OR5AN1: variants seen among roughly 807,000 people sequenced by gnomAD.
OR5AN1 encodes the protein olfactory receptor 5AN1.
For synonymous variants in OR5AN1, 167 were observed against 131.8 expected (o/e 1.27, Z -1.83); for missense variants, 476 against 368.9 (o/e 1.29, Z -2.38).
In OR5AN1 at chr11:59,369,450, G is replaced by A. The variant is rs1857568373; in HGVS notation, c.*4056G>A. On this transcript the variant is annotated 3_prime_UTR_variant, in exon 2 of 2. Coordinates refer to ENST00000641998, the MANE Select transcript of OR5AN1 (RefSeq NM_001004729.2). Reference sequence around the variant, plus strand: ...TTAGTGGGTCTGACAGAGCTGAATAGCGCAATACAAGAATTCCACAATGCA... The same window carrying A: ...TTAGTGGGTCTGACAGAGCTGAATAACGCAATACAAGAATTCCACAATGCA... The A allele has an allele frequency of 6.6e-6, 1 of 152,148 alleles. No homozygotes were observed. Among genetic ancestry groups the A allele is most frequent in the Admixed American group, 6.5e-5 (1 of 15,278 alleles). The allele number at this position is 152,148 out of a possible 1,614,324, so 9.4% of individuals were successfully genotyped here. A position where few individuals can be genotyped will look rare whatever the true frequency, so the allele number is the denominator to read the frequency against.
intron 1 of OR5AN1, chr11:59,359,600 A>T (rs1292848606): frequency 1.3e-5 from 2 of 152,082 alleles, no homozygotes; most frequent in Non-Finnish European, 2.9e-5. Context: ...TTGATTTATG[A>T]TCTCTGAATA....
chr11:59,365,059 G>A lies in OR5AN1; in HGVS notation c.601G>A (p.Ala201Thr). ...CACTTTCTTTGTACAGGTCATGACT[G>A]CTATATTAACCATGTTCTTTGGGAT... ...TDTFFVQVMT[A>T]ILTMFFGIAS... The change falls in exon 2 of 2, where the codon GCT becomes ACT. Residue 201 changes from alanine (A) to threonine (T), a missense_variant. Coordinates refer to ENST00000641998, the MANE Select transcript of OR5AN1 (RefSeq NM_001004729.2). The A allele has an allele frequency of 2.5e-6, 4 of 1,614,072 alleles. No homozygotes were observed. In the South Asian group the frequency reaches 4.4e-5, roughly 18 times the overall value.
chr11:59,361,309 T>A (rs1408640290), intron 1 of OR5AN1, among the ~76,000 whole-genome samples: 1 of 152,110 alleles, frequency 6.6e-6, no homozygotes, highest in Non-Finnish European at 1.5e-5. Context: ...TTTTGAGGAG[T>A]CTCGCTCTGT....
chr11:59,363,943 A>G (rs1280216983), intron 1 of OR5AN1, among the ~76,000 whole-genome samples: 1 of 152,052 alleles, frequency 6.6e-6, no homozygotes, highest in Admixed American at 6.6e-5. Flanking sequence ...TTGTATTTTT[A>G]GTAGAGATGG....
intron 1 of OR5AN1, among the ~76,000 whole-genome samples, chr11:59,362,230 T>C (rs1490732254): frequency 1.3e-5 from 2 of 152,204 alleles, no homozygotes; most frequent in Non-Finnish European, 2.9e-5. Flanking sequence ...CCCCCATTCA[T>C]CAACTGTCTT....
Position 59,370,212 on chromosome 11 carries a change from A to G in OR5AN1, c.*4818A>G, listed in dbSNP as rs1250557779. ...GAAGCAACCACACAAACAAGTAAAC[A>G]TAATAACCAGCTGACAGCACAATGA... On this transcript the variant is annotated 3_prime_UTR_variant, in exon 2 of 2. Transcript: ENST00000641998. The G allele has an allele frequency of 6.6e-6, 1 of 152,252 alleles. No homozygotes were observed. The highest frequency in any genetic ancestry group is 2.4e-5 in the African/African-American group (1 of 41,466). 9.4% of individuals were successfully genotyped at this position (152,252 alleles called of 1,614,324 possible).
intron 1 of OR5AN1, among the ~76,000 whole-genome samples, chr11:59,361,504 C>T (rs1450107010): frequency 6.6e-6 from 1 of 152,214 alleles, no homozygotes; most frequent in Admixed American, 6.5e-5. Context: ...TGGTCTCAAA[C>T]TCCTGACCTC....
chr11:59,368,570 A>C lies in OR5AN1; in HGVS notation c.*3176A>C, dbSNP rs914296403. ...GGTCTGTCTCCCACGGGTCCCACAC[A>C]CCCCCCACCACTCATCACCAGACAA... On this transcript the variant is annotated 3_prime_UTR_variant, in exon 2 of 2. Coordinates refer to ENST00000641998, the MANE Select transcript of OR5AN1 (RefSeq NM_001004729.2). 6.6e-6 allele frequency: 1 copy of C among 152,100 alleles called. No homozygotes were observed. The highest frequency in any genetic ancestry group is 1.5e-5 in the Non-Finnish European group (1 of 68,166). 9.4% of individuals were successfully genotyped at this position (152,100 alleles called of 1,614,324 possible). A position where few individuals can be genotyped will look rare whatever the true frequency, so the allele number is the denominator to read the frequency against.
Position 59,368,676 on chromosome 11 carries a change from T to A in OR5AN1, c.*3282T>A, listed in dbSNP as rs186702755. On this transcript the variant is annotated 3_prime_UTR_variant, in exon 2 of 2. Transcript: ENST00000641998. ...GAGCGATTGCTGACCTGCATCTCTC[T>A]GGGGTGGAGCCCCCAGGAGTCAAAC... 6.6e-6 allele frequency: 1 copy of A among 152,346 alleles called. No individual in the cohort carries two copies. The highest frequency in any genetic ancestry group is 1.9e-4 in the East Asian group (1 of 5,196). The allele number at this position is 152,346 out of a possible 1,614,324, so 9.4% of individuals were successfully genotyped here.
Position 59,364,676 on chromosome 11 carries a change from G to A in OR5AN1, c.218G>A (p.Cys73Tyr). 1 of 1,613,810 alleles carries A rather than the reference G, an allele frequency of 6.2e-7. No homozygotes were observed. Among genetic ancestry groups the A allele is most frequent in the Non-Finnish European group, 8.5e-7 (1 of 1,179,854 alleles). ...AGTAACCTGTCCTTCATAGATGTCTGCTATATCAGCTCCACAGTCCCCAAG... is the reference window on the plus strand; with the variant it reads ...AGTAACCTGTCCTTCATAGATGTCTACTATATCAGCTCCACAGTCCCCAAG... ...FLSNLSFIDV[C>Y]YISSTVPKML... The change falls in exon 2 of 2, where the codon TGC becomes TAC. Residue 73 changes from cysteine (C) to tyrosine (Y), a missense_variant. By Grantham distance (194) the Cys-to-Tyr change is radical. Transcript: ENST00000641998.
chr11:59,367,716 C>T lies in OR5AN1; in HGVS notation c.*2322C>T, dbSNP rs543024103. On this transcript the variant is annotated 3_prime_UTR_variant, in exon 2 of 2. Transcript: ENST00000641998. Reference sequence around the variant, plus strand: ...GAAGAGAACCCCCAGCCTAGCACAACACAGCTGCTCTACCCAAACATAGCC... The same window carrying T: ...GAAGAGAACCCCCAGCCTAGCACAATACAGCTGCTCTACCCAAACATAGCC... The T allele has an allele frequency of 2.0e-5, 3 of 152,510 alleles. No individual in the cohort carries two copies. In the East Asian group the frequency reaches 5.8e-4, roughly 29 times the overall value. 9.4% of individuals were successfully genotyped at this position (152,510 alleles called of 1,614,324 possible).
rs916800705 is a variant in OR5AN1 at position 59,369,386 on chromosome 11, A to C, written c.*3992A>C. 1 of 152,218 alleles carries C rather than the reference A, an allele frequency of 6.6e-6. No homozygotes were observed. The highest frequency in any genetic ancestry group is 1.5e-5 in the Non-Finnish European group (1 of 68,038). The allele number at this position is 152,218 out of a possible 1,614,324, so 9.4% of individuals were successfully genotyped here. A position where few individuals can be genotyped will look rare whatever the true frequency, so the allele number is the denominator to read the frequency against. ...AAAATAAGAATCACAATAAAGTGAC[A>C]CAGAAGCTGAAAGAAAAATAGCCAG... is the stretch of plus-strand genomic sequence containing the variant. On this transcript the variant is annotated 3_prime_UTR_variant, in exon 2 of 2. Coordinates refer to ENST00000641998, the MANE Select transcript of OR5AN1 (RefSeq NM_001004729.2).
At chr11:59,362,196 C>T (rs11229934) in intron 1 of OR5AN1, among the ~76,000 whole-genome samples, 27,964 of 152,022 alleles carry the variant, frequency 0.18, 3,236 homozygotes, top group Non-Finnish European at 0.27. Flanking sequence ...ATTATATTGT[C>T]TTTTTCTGTC....
At position 59,359,119 on chromosome 11, in the gene OR5AN1, AC is replaced by A. The variant is rs1337174648; in HGVS notation, c.-166del. ...CATGTAATTCTTCCAGTAAGGATACACATGGAACAGAGTTTATGGTCCTCAG... is the reference window on the plus strand; with the variant it reads ...CATGTAATTCTTCCAGTAAGGATACAATGGAACAGAGTTTATGGTCCTCAG... On this transcript the variant is annotated 5_prime_UTR_variant, in exon 1 of 2. Transcript: ENST00000641998. 3.9e-5 allele frequency: 6 copies of A among 152,248 alleles called. No homozygotes were observed. Among genetic ancestry groups the A allele is most frequent in the Admixed American group, 2.0e-4 (3 of 15,282 alleles). The allele number at this position is 152,248 out of a possible 1,614,324, so 9.4% of individuals were successfully genotyped here.
In OR5AN1 at chr11:59,369,057, A is replaced by G. The variant is rs1857564842; in HGVS notation, c.*3663A>G. The G allele has an allele frequency of 6.6e-6, 1 of 152,096 alleles. No individual in the cohort carries two copies. Among genetic ancestry groups the G allele is most frequent in the Admixed American group, 6.6e-5 (1 of 15,260 alleles). The allele number at this position is 152,096 out of a possible 1,614,324, so 9.4% of individuals were successfully genotyped here. A position where few individuals can be genotyped will look rare whatever the true frequency, so the allele number is the denominator to read the frequency against. On this transcript the variant is annotated 3_prime_UTR_variant, in exon 2 of 2. Transcript: ENST00000641998. ...AAGAGATAAGAAGTGAGCATCAAACACAGACCCTACACAAAGCCTTGGCCC... is the reference window on the plus strand; with the variant it reads ...AAGAGATAAGAAGTGAGCATCAAACGCAGACCCTACACAAAGCCTTGGCCC...
chr11:59,360,660 T>G (rs1857452871), intron 1 of OR5AN1, among the ~76,000 whole-genome samples: 1 of 152,152 alleles, frequency 6.6e-6, no homozygotes, highest in Admixed American at 6.5e-5. Flanking sequence ...CAGCTCCCAC[T>G]TGTAAGTGAG....
rs1377766737 is a variant in OR5AN1 at position 59,365,568 on chromosome 11, C to A, written c.*174C>A. ...TATGGACCAACAGATGACTCAATGCCACAGACATCAGGATCTTTAGGTCCT... is the reference window on the plus strand; with the variant it reads ...TATGGACCAACAGATGACTCAATGCAACAGACATCAGGATCTTTAGGTCCT... On this transcript the variant is annotated 3_prime_UTR_variant, in exon 2 of 2. Coordinates refer to ENST00000641998, the MANE Select transcript of OR5AN1 (RefSeq NM_001004729.2). 9.5e-6 allele frequency: 5 copies of A among 527,298 alleles called. No homozygotes were observed. Among genetic ancestry groups the A allele is most frequent in the Non-Finnish European group, 1.7e-5 (5 of 301,732 alleles). The allele number at this position is 527,298 out of a possible 1,614,324, so 32.7% of individuals were successfully genotyped here.
Position 59,368,587 on chromosome 11 carries a change from A to G in OR5AN1, c.*3193A>G, listed in dbSNP as rs996048516. 2 of 152,478 alleles carry G rather than the reference A, an allele frequency of 1.3e-5. No individual in the cohort carries two copies. The highest frequency in any genetic ancestry group is 2.9e-5 in the Non-Finnish European group (2 of 68,352). The allele number at this position is 152,478 out of a possible 1,614,324, so 9.4% of individuals were successfully genotyped here. On this transcript the variant is annotated 3_prime_UTR_variant, in exon 2 of 2. Transcript: ENST00000641998. ...TCCCACACACCCCCCACCACTCATC[A>G]CCAGACAAAGAACCCCTGGCTTGGG... is the stretch of plus-strand genomic sequence containing the variant.
Position 59,359,114 on chromosome 11 carries a change from G to T in OR5AN1, c.-172G>T, listed in dbSNP as rs561829129. The T allele has an allele frequency of 6.6e-6, 1 of 152,292 alleles. No individual in the cohort carries two copies. Among genetic ancestry groups the T allele is most frequent in the Non-Finnish European group, 1.5e-5 (1 of 68,026 alleles). The allele number at this position is 152,292 out of a possible 1,614,324, so 9.4% of individuals were successfully genotyped here. A position where few individuals can be genotyped will look rare whatever the true frequency, so the allele number is the denominator to read the frequency against. ...ATATCCATGTAATTCTTCCAGTAAG[G>T]ATACACATGGAACAGAGTTTATGGT... On this transcript the variant is annotated 5_prime_UTR_variant, in exon 1 of 2. Coordinates refer to ENST00000641998, the MANE Select transcript of OR5AN1 (RefSeq NM_001004729.2).
Sources: allele counts gnomAD v4.1 joint callset (sites outside exome capture counted in the v4.1 genomes callset), GRCh38; gene constraint gnomAD v4.1.1; transcripts MANE v1.5; gene names NCBI Gene and HGNC (gene_info 2026-07-23, HGNC 2026-07-21).